The following ATP11C variants were observed in gnomAD, a reference collection of about 807,000 sequenced individuals.
ATP11C encodes the protein phospholipid-transporting ATPase IG.
Under a neutral mutation model 97.4 loss-of-function variants are expected in ATP11C, and 36 were observed. The observed-to-expected ratio is 0.37, with a 90% CI of 0.28 to 0.49. The LOEUF (loss-of-function observed/expected upper bound fraction) is 0.49, where lower values mean the gene tolerates loss of function less well. Among genes scored for constraint, ATP11C ranks in the 20% least tolerant of loss-of-function variants. ATP11C has a pLI of 0.98. For missense variants in ATP11C, 730 were observed against 824.6 expected (o/e 0.89, Z 1.40); for synonymous variants, 275 against 290.9 (o/e 0.95, Z 0.56).
chrX:139,874,128 C>T (rs185055814), intron 1 of ATP11C, among the ~76,000 whole-genome samples: 1,150 of 107,755 alleles, frequency 0.011, 16 homozygotes, highest in African/African-American at 0.038. Flanking sequence ...CTGCAACCTC[C>T]GTCTCCCAGG....
rs548663868 is a variant in ATP11C, at chrX:139,796,804, G to A, written c.1009-334C>T. On this transcript the variant is annotated intron_variant, in intron 11 of 29. Transcript: ENST00000682941. ...GTAAGGCATTCATTATGCTTTTATC[G>A]TGACATTTCACATACTCCTATTACA... is the stretch of plus-strand genomic sequence containing the variant. Among the ~76,000 whole-genome samples, 7 of 111,355 alleles carry A rather than the reference G, an allele frequency of 6.3e-5. No individual in the cohort carries two copies. The South Asian group carries it at 1.1e-3, about 18-fold the overall frequency.
intron 1 of ATP11C, among the ~76,000 whole-genome samples, chrX:139,842,590 T>A (rs1011799985): frequency 8.9e-6 from 1 of 112,508 alleles, no homozygotes; most frequent in Non-Finnish European, 1.9e-5. Context: ...GAAGGAAGTA[T>A]ACAAGTATAT....
chrX:139,920,615 C>A (rs1243606878), intron 1 of ATP11C, among the ~76,000 whole-genome samples: 1 of 111,619 alleles, frequency 9.0e-6, no homozygotes. Flanking sequence ...GATAGTTACA[C>A]AGCATAGGAA....
chrX:139,904,127 G>T (rs2084938951), intron 1 of ATP11C, among the ~76,000 whole-genome samples: 1 of 112,281 alleles, frequency 8.9e-6, no homozygotes, highest in Non-Finnish European at 1.9e-5. Context: ...CATAATTTGT[G>T]AATTTTCTGC....
chrX:139,739,897 C>T (rs182500924), intron 27 of ATP11C, among the ~76,000 whole-genome samples: 6 of 111,701 alleles, frequency 5.4e-5, no homozygotes, highest in African/African-American at 1.9e-4. Flanking sequence ...TCATTGCTCT[C>T]AATTACCTAT....
At chrX:139,821,525 C>T (rs1306971674) in intron 2 of ATP11C, among the ~76,000 whole-genome samples, 1 of 112,511 alleles carries the variant, frequency 8.9e-6, no homozygotes. Context: ...TTTAATTAAT[C>T]AAATAAGCAT....
At chrX:139,752,241 C>T (rs1230658878) in intron 23 of ATP11C, among the ~76,000 whole-genome samples, 1 of 111,252 alleles carries the variant, frequency 9.0e-6, no homozygotes, top group African/African-American at 3.3e-5. Flanking sequence ...TTCTTTTTTC[C>T]ATCATAGCAT....
chrX:139,849,833 A>C (rs1289938515), intron 1 of ATP11C, among the ~76,000 whole-genome samples: 1 of 112,427 alleles, frequency 8.9e-6, no homozygotes, highest in Non-Finnish European at 1.9e-5. Context: ...TTAATGGATT[A>C]ATGTCATAAT....
chrX:139,826,633 C>T lies in ATP11C; in HGVS notation c.147+71G>A, dbSNP rs878888288. On this transcript the variant is annotated intron_variant, in intron 2 of 29. Coordinates refer to ENST00000682941, the MANE Select transcript of ATP11C (RefSeq NM_001353812.2). ...ACATACATAAATGCATCAGTTTCCT[C>T]AGAAGCACAAATTAGAATGCATTAT... 151 of 994,714 alleles carry T rather than the reference C, an allele frequency of 1.5e-4. 1 individual carries two copies. The Middle Eastern group carries it at 2.0e-3, about 13-fold the overall frequency. The allele number at this position is 994,714 out of a possible 1,213,427, so 82.0% of individuals were successfully genotyped here.
At chrX:139,756,952 C>T (rs2148662349) in intron 23 of ATP11C, among the ~76,000 whole-genome samples, 1 of 94,053 alleles carries the variant, frequency 1.1e-5, no homozygotes, top group South Asian at 6.0e-4. Context: ...TGCACATGCA[C>T]TCCTGAACCT....
At chrX:139,878,653 C>T (rs1163972176) in intron 1 of ATP11C, among the ~76,000 whole-genome samples, 2 of 111,254 alleles carry the variant, frequency 1.8e-5, no homozygotes, top group African/African-American at 3.3e-5. Context: ...AACACAGGGA[C>T]GGGAAGAATT....
chrX:139,781,233 T>C (rs2082450100), intron 18 of ATP11C, among the ~76,000 whole-genome samples: 1 of 111,858 alleles, frequency 8.9e-6, no homozygotes, highest in Non-Finnish European at 1.9e-5. Context: ...TTCATTAGAG[T>C]TTCAATACCT....
intron 24 of ATP11C, among the ~76,000 whole-genome samples, chrX:139,749,048 G>A (rs2081752525): frequency 8.9e-6 from 1 of 111,922 alleles, no homozygotes; most frequent in Non-Finnish European, 1.9e-5. Flanking sequence ...GCCTGTGATA[G>A]AGCAGACGGG....
chrX:139,789,477 T>C lies in ATP11C; in HGVS notation c.1218A>G (p.Val406=). 8.4e-7 allele frequency: 1 copy of C among 1,185,585 alleles called. No individual in the cohort carries two copies. The highest frequency in any genetic ancestry group is 1.1e-6 in the Non-Finnish European group (1 of 883,601). ...LNEELGQVDY[V]FTDKTGTLTE... ...TGAGTGTTCCAGTCTTATCTGTAAA[T>C]ACATAATCCACCTAAAACAAGGACA... Residue 406 remains valine, a synonymous_variant, in exon 13 of 30, where the codon GTA becomes GTG. Transcript: ENST00000682941.
intron 1 of ATP11C, among the ~76,000 whole-genome samples, chrX:139,835,688 A>C (rs1035041121): frequency 9.3e-6 from 1 of 107,482 alleles, no homozygotes; most frequent in Non-Finnish European, 1.9e-5. Context: ...TACAGCCGTG[A>C]GCCACCGCAC....
intron 5 of ATP11C, among the ~76,000 whole-genome samples, chrX:139,813,395 A>C (rs984585285): frequency 8.9e-6 from 1 of 112,018 alleles, no homozygotes; most frequent in African/African-American, 3.2e-5. Flanking sequence ...ACATACTCTT[A>C]CCATACAATT....
In ATP11C at chrX:139,862,614, G is replaced by T. The variant is rs750511113; in HGVS notation, c.28-35791C>A. 3.1e-3 allele frequency among the ~76,000 whole-genome samples: 341 copies of T among 111,705 alleles called. 1 individual carries two copies. Among genetic ancestry groups the T allele is most frequent in the Non-Finnish European group, 4.9e-3 (258 of 53,147 alleles). On this transcript the variant is annotated intron_variant, in intron 1 of 29. Transcript: ENST00000682941. ...GCAGAGCTGATTTGAGAGTTTTTCC[G>T]AAACAAATCCTCACAGCAAAGTTAT... is the stretch of plus-strand genomic sequence containing the variant.
chrX:139,735,552 A>C (rs1341728923), intron 28 of ATP11C, among the ~76,000 whole-genome samples: 1 of 111,978 alleles, frequency 8.9e-6, no homozygotes, highest in Non-Finnish European at 1.9e-5. Context: ...AATCACACAG[A>C]GTGTCAGACT....
At chrX:139,793,408 T>A (rs2148744426) in intron 12 of ATP11C, among the ~76,000 whole-genome samples, 1 of 110,781 alleles carries the variant, frequency 9.0e-6, no homozygotes, top group South Asian at 3.8e-4. Context: ...TTAATTAGTA[T>A]TTCATTGAAT....
Sources: allele counts gnomAD v4.1 joint callset (sites outside exome capture counted in the v4.1 genomes callset), GRCh38; gene constraint gnomAD v4.1.1; transcripts MANE v1.5; gene names NCBI Gene and HGNC (gene_info 2026-07-23, HGNC 2026-07-21).